KLF7: variants seen among roughly 807,000 people sequenced by gnomAD.
The protein encoded by KLF7 is Krueppel-like factor 7.
A neutral mutation model predicts 27.3 loss-of-function variants in KLF7; 2 were observed. The ratio of observed to expected loss-of-function variants is 0.07; its 90% CI spans 0.03 to 0.23. The LOEUF (loss-of-function observed/expected upper bound fraction) is 0.23, where lower values mean the gene tolerates loss of function less well. Ranked by LOEUF, KLF7 falls within the 10% of genes least tolerant of loss-of-function variation. The pLI is 1.00. For synonymous variants in KLF7, 165 were observed against 162.4 expected (o/e 1.02, Z -0.12); for missense variants, 221 against 394.1 (o/e 0.56, Z 3.72).
At chr2:207,161,768 C>A (rs938885219) in intron 1 of KLF7, among the ~76,000 whole-genome samples, 2 of 152,128 alleles carry the variant, frequency 1.3e-5, no homozygotes, top group Non-Finnish European at 2.9e-5. Flanking sequence ...TATGGGGACA[C>A]TTTAGTCCTT....
At chr2:207,166,863 G>A (rs2078728555), upstream of KLF7, 2 of 1,065,994 alleles carry the variant, frequency 1.9e-6, no homozygotes, top group Non-Finnish European at 2.3e-6. Flanking sequence ...CAATGGGAGA[G>A]AACAAAGGGG....
At chr2:207,125,618 A>C (rs769641053) in intron 1 of KLF7, among the ~76,000 whole-genome samples, 5 of 152,242 alleles carry the variant, frequency 3.3e-5, no homozygotes, top group Non-Finnish European at 5.9e-5. Context: ...GTGACATTTC[A>C]AAAGACTGGT....
chr2:207,165,655 C>A lies in KLF7; in HGVS notation c.-87G>T. 1 of 1,587,338 alleles carries A rather than the reference C, an allele frequency of 6.3e-7. No individual in the cohort carries two copies. The highest frequency in any genetic ancestry group is 1.8e-5 in the Admixed American group (1 of 55,582). On this transcript the variant is annotated 5_prime_UTR_variant, in exon 1 of 4. Transcript: ENST00000309446. ...GTTTGTCAGTCTGTCTGGCTCACCCCCCAAGAAGGCAGACATCCAGTGGCC... is the reference window on the plus strand; with the variant it reads ...GTTTGTCAGTCTGTCTGGCTCACCCACCAAGAAGGCAGACATCCAGTGGCC...
intron 1 of KLF7, among the ~76,000 whole-genome samples, chr2:207,158,401 T>G (rs1043440842): frequency 1.3e-5 from 2 of 152,214 alleles, no homozygotes; most frequent in Non-Finnish European, 2.9e-5. Flanking sequence ...TCTCAAGAAT[T>G]TAAAAACATT....
At chr2:207,083,031 T>C (rs1288312239) in intron 3 of KLF7, among the ~76,000 whole-genome samples, 1 of 152,198 alleles carries the variant, frequency 6.6e-6, no homozygotes, top group African/African-American at 2.4e-5. Flanking sequence ...ACATGCTGCA[T>C]AATAACAATT....
chr2:207,157,988 A>G (rs2078437393), intron 1 of KLF7, among the ~76,000 whole-genome samples: 1 of 152,056 alleles, frequency 6.6e-6, no homozygotes, highest in African/African-American at 2.4e-5. Flanking sequence ...AACAACCCCA[A>G]AGCCCATCTT....
At chr2:207,129,238 C>A (rs2077558959) in intron 1 of KLF7, among the ~76,000 whole-genome samples, 1 of 152,200 alleles carries the variant, frequency 6.6e-6, no homozygotes, top group Non-Finnish European at 1.5e-5. Context: ...ATACTCTTGC[C>A]AGCAAACTCC....
In KLF7 at chr2:207,077,903, T is replaced by C. The variant is rs1162785144; in HGVS notation, c.*3310A>G. 6.6e-6 allele frequency: 1 copy of C among 152,208 alleles called. No homozygotes were observed. The highest frequency in any genetic ancestry group is 2.4e-5 in the African/African-American group (1 of 41,456). The allele number at this position is 152,208 out of a possible 1,614,324, so 9.4% of individuals were successfully genotyped here. On this transcript the variant is annotated 3_prime_UTR_variant, in exon 4 of 4. Transcript: ENST00000309446. ...CCACCAGAAACACCAGGCCGGGTTT[T>C]TCCTTTCAAATTTGGGATCCCCTGG...
At chr2:207,147,493 C>CT (rs1412306851) in intron 1 of KLF7, among the ~76,000 whole-genome samples, 1 of 152,144 alleles carries the variant, frequency 6.6e-6, no homozygotes, top group Admixed American at 6.5e-5. Flanking sequence ...ATAATAGACA[C>CT]TTTTATTCCT....
intron 2 of KLF7, among the ~76,000 whole-genome samples, chr2:207,103,203 C>T (rs1477687524): frequency 6.6e-6 from 1 of 152,232 alleles, no homozygotes; most frequent in Non-Finnish European, 1.5e-5. Flanking sequence ...GCTGGGATTA[C>T]AGGTGTGAGC....
At chr2:207,170,846 G>C (rs2078779727), upstream of KLF7, among the ~76,000 whole-genome samples, 1 of 151,976 alleles carries the variant, frequency 6.6e-6, no homozygotes, top group Non-Finnish European at 1.5e-5. Flanking sequence ...TTCTAATGGA[G>C]ATATATAAGG....
chr2:207,084,267 T>TTTCC (rs2076338628), intron 3 of KLF7, among the ~76,000 whole-genome samples: 2 of 152,232 alleles, frequency 1.3e-5, no homozygotes, highest in South Asian at 4.2e-4. Context: ...ACCCCTTTCC[T>TTTCC]TTCCTTTCTA....
At chr2:207,171,983 A>G (rs113308779), upstream of KLF7, among the ~76,000 whole-genome samples, 7 of 152,330 alleles carry the variant, frequency 4.6e-5, no homozygotes, top group African/African-American at 1.7e-4. Flanking sequence ...TAATTTTTCT[A>G]CAAAAGGTAA....
intron 1 of KLF7, among the ~76,000 whole-genome samples, chr2:207,129,702 T>C (rs1263489383): frequency 6.6e-6 from 1 of 151,716 alleles, no homozygotes; most frequent in Non-Finnish European, 1.5e-5. Context: ...CTACTACATC[T>C]ATGATAATTT....
chr2:207,134,628 C>T (rs1217009908), intron 1 of KLF7, among the ~76,000 whole-genome samples: 3 of 152,124 alleles, frequency 2.0e-5, no homozygotes, highest in Non-Finnish European at 4.4e-5. Flanking sequence ...CTTGATTTCC[C>T]ACAATGTTTA....
At chr2:207,157,013 A>C (rs376258796) in intron 1 of KLF7, among the ~76,000 whole-genome samples, 1 of 152,142 alleles carries the variant, frequency 6.6e-6, no homozygotes, top group South Asian at 2.1e-4. Context: ...TCTGGGGTGC[A>C]GCCACGATTG....
chr2:207,089,422 G>A (rs2076460618), intron 2 of KLF7, among the ~76,000 whole-genome samples: 1 of 152,228 alleles, frequency 6.6e-6, no homozygotes, highest in African/African-American at 2.4e-5. Context: ...GGAAGGATAT[G>A]TAAGAGCAAG....
At chr2:207,086,315 A>G (rs2076388271) in intron 3 of KLF7, among the ~76,000 whole-genome samples, 1 of 152,148 alleles carries the variant, frequency 6.6e-6, no homozygotes, top group Non-Finnish European at 1.5e-5. Context: ...CCAGTTCCCC[A>G]TGTTGCCTCC....
chr2:207,147,371 T>A (rs2078124059), intron 1 of KLF7, among the ~76,000 whole-genome samples: 1 of 152,184 alleles, frequency 6.6e-6, no homozygotes, highest in African/African-American at 2.4e-5. Context: ...AGAAAAGGTA[T>A]AAAAAGTAAA....
Sources: allele counts gnomAD v4.1 joint callset (sites outside exome capture counted in the v4.1 genomes callset), GRCh38; gene constraint gnomAD v4.1.1; transcripts MANE v1.5; gene names NCBI Gene and HGNC (gene_info 2026-07-23, HGNC 2026-07-21).